The following PGR variants were observed in gnomAD, a reference collection of about 807,000 sequenced individuals.
PGR encodes the protein nuclear receptor subfamily 3 group C member 3.
PGR carries 25 observed loss-of-function variants against 76.1 expected under a neutral mutation model. The ratio of observed to expected loss-of-function variants is 0.33; its 90% CI spans 0.24 to 0.46. The LOEUF is 0.46. Ranked by LOEUF, PGR falls within the 20% of genes least tolerant of loss-of-function variation. The probability of loss-of-function intolerance (pLI) is 1.00; values close to 1 mark genes in which losing one functional copy is unlikely to be tolerated. For missense variants in PGR, 1,172 were observed against 1,225.3 expected (o/e 0.96, Z 0.65); for synonymous variants, 579 against 535.0 (o/e 1.08, Z -1.14).
intron 2 of PGR, among the ~76,000 whole-genome samples, chr11:101,100,004 A>G (rs886428507): frequency 2.6e-5 from 4 of 152,180 alleles, no homozygotes; most frequent in Admixed American, 1.3e-4. Context: ...ATTGGGGCAA[A>G]GAAGAAATCT....
chr11:101,110,635 T>C (rs1394054551), intron 2 of PGR, among the ~76,000 whole-genome samples: 1 of 152,128 alleles, frequency 6.6e-6, no homozygotes, highest in Non-Finnish European at 1.5e-5. Flanking sequence ...ACAAAAGATT[T>C]AGGATTTAGG....
Position 101,062,542 on chromosome 11 carries a change from G to T in PGR, c.2117C>A (p.Thr706Lys). 6.2e-7 allele frequency: 1 copy of T among 1,614,038 alleles called. No individual in the cohort carries two copies. The highest frequency in any genetic ancestry group is 8.5e-7 in the Non-Finnish European group (1 of 1,179,918). The change falls in exon 4 of 8, where the codon ACA (threonine) becomes AAA (lysine). Residue 706 changes from threonine to lysine, a missense_variant. Thr to Lys is a moderately conservative substitution (Grantham distance 78). Coordinates refer to ENST00000325455, the MANE Select transcript of PGR (RefSeq NM_000926.4). Reference protein sequence around the residue: ...PDVIYAGHDNTKPDTSSSLLT... With the variant: ...PDVIYAGHDNKKPDTSSSLLT... Reference sequence around the variant, plus strand: ...CAAAGAACTGGAGGTGTCAGGTTTTGTGTTGTCATGTCCTGCATAGATCAC... The same window carrying T: ...CAAAGAACTGGAGGTGTCAGGTTTTTTGTTGTCATGTCCTGCATAGATCAC...
intron 2 of PGR, among the ~76,000 whole-genome samples, chr11:101,109,391 A>C (rs1448439847): frequency 6.6e-6 from 1 of 152,146 alleles, no homozygotes; most frequent in Non-Finnish European, 1.5e-5. Flanking sequence ...AAAAAGTGCT[A>C]CTCCAGTGAA....
At chr11:101,060,386 C>T (rs518382) in intron 4 of PGR, among the ~76,000 whole-genome samples, 43,027 of 152,042 alleles carry the variant, frequency 0.28, 6,418 homozygotes, top group African/African-American at 0.39. Context: ...CAAAATGCAT[C>T]CACACCATGA....
chr11:101,077,268 G>A lies in PGR; in HGVS notation c.1906+14492C>T, dbSNP rs899838199. On this transcript the variant is annotated intron_variant, in intron 3 of 7. Coordinates refer to ENST00000325455, the MANE Select transcript of PGR (RefSeq NM_000926.4). ...GATTACCAAAATGATAATGACCACTGCGCAGTGCTGGGATCAGTCCACTGG... is the reference window on the plus strand; with the variant it reads ...GATTACCAAAATGATAATGACCACTACGCAGTGCTGGGATCAGTCCACTGG... 8.5e-5 allele frequency among the ~76,000 whole-genome samples: 13 copies of A among 152,118 alleles called. No individual in the cohort carries two copies. In the South Asian group the frequency reaches 2.7e-3, roughly 32 times the overall value.
At position 101,037,727 on chromosome 11, in the gene PGR, A is replaced by G; in HGVS notation, c.*1389T>C. On this transcript the variant is annotated 3_prime_UTR_variant, in exon 8 of 8. Transcript: ENST00000325455. ...TAATGAAGATAATTGATGGAGATAA[A>G]GCATGGGAGAAGAAAGTGATAAAGT... 1 of 226,634 alleles carries G rather than the reference A, an allele frequency of 4.4e-6. No homozygotes were observed. Among genetic ancestry groups the G allele is most frequent in the Non-Finnish European group, 8.8e-6 (1 of 113,806 alleles). 14.0% of individuals were successfully genotyped at this position (226,634 alleles called of 1,614,324 possible).
chr11:101,107,472 A>C (rs1301151144), intron 2 of PGR, among the ~76,000 whole-genome samples: 1 of 152,220 alleles, frequency 6.6e-6, no homozygotes, highest in Non-Finnish European at 1.5e-5. Context: ...TAGTTAGCTA[A>C]ACAGTAAGCA....
chr11:101,045,646 T>G (rs621152), intron 6 of PGR, among the ~76,000 whole-genome samples: 42,345 of 151,472 alleles, frequency 0.28, 6,184 homozygotes, highest in African/African-American at 0.38. Context: ...TCTTTTTGAT[T>G]GCTGAATACT....
intron 2 of PGR, among the ~76,000 whole-genome samples, chr11:101,098,021 C>T (rs1861888674): frequency 6.6e-6 from 1 of 152,076 alleles, no homozygotes; most frequent in South Asian, 2.1e-4. Flanking sequence ...TGTGATCCTC[C>T]TGCCTCGGCC....
At chr11:101,100,036 A>G (rs1861949317) in intron 2 of PGR, among the ~76,000 whole-genome samples, 1 of 152,162 alleles carries the variant, frequency 6.6e-6, no homozygotes, top group Non-Finnish European at 1.5e-5. Context: ...AGGATTTGTA[A>G]ATTTGGCATA....
rs1859556596 is a variant in PGR at position 101,037,717 on chromosome 11, A to C, written c.*1399T>G. The stretch of plus-strand genomic sequence containing the variant: ...AATTTAAAAGTAATGAAGATAATTG[A>C]TGGAGATAAAGCATGGGAGAAGAAA... On this transcript the variant is annotated 3_prime_UTR_variant, in exon 8 of 8. Transcript: ENST00000325455. 1 of 226,754 alleles carries C rather than the reference A, an allele frequency of 4.4e-6. No homozygotes were observed. Among genetic ancestry groups the C allele is most frequent in the East Asian group, 6.3e-5 (1 of 15,778 alleles). 14.0% of individuals were successfully genotyped at this position (226,754 alleles called of 1,614,324 possible). A position where few individuals can be genotyped will look rare whatever the true frequency, so the allele number is the denominator to read the frequency against.
intron 4 of PGR, among the ~76,000 whole-genome samples, chr11:101,052,361 T>C (rs1860124806): frequency 6.6e-6 from 1 of 151,712 alleles, no homozygotes; most frequent in Admixed American, 6.6e-5. Flanking sequence ...TTTCATCCTC[T>C]TTTAGGCTGT....
intron 4 of PGR, among the ~76,000 whole-genome samples, chr11:101,056,797 T>G (rs953917878): frequency 6.6e-6 from 1 of 152,148 alleles, no homozygotes; most frequent in Non-Finnish European, 1.5e-5. Flanking sequence ...GCATTAAATA[T>G]CTCAGCACCT....
intron 3 of PGR, among the ~76,000 whole-genome samples, chr11:101,083,619 G>T (rs489034): frequency 0.13 from 19,638 of 152,248 alleles, 1,316 homozygotes; most frequent in East Asian, 0.19. Flanking sequence ...TGGATGTGAG[G>T]CATGGAGACA....
At chr11:101,103,652 G>T (rs1472202225) in intron 2 of PGR, among the ~76,000 whole-genome samples, 1 of 152,140 alleles carries the variant, frequency 6.6e-6, no homozygotes, top group Non-Finnish European at 1.5e-5. Context: ...TCAGCATTTA[G>T]TACTCAAAGA....
intron 7 of PGR, among the ~76,000 whole-genome samples, chr11:101,039,972 T>C (rs1859642641): frequency 6.6e-6 from 1 of 152,066 alleles, no homozygotes; most frequent in South Asian, 2.1e-4. Flanking sequence ...TACTAGACAC[T>C]CTCTTCCTCA....
At chr11:101,042,177 AG>A in intron 6 of PGR, 75 bp from the exon 7 acceptor site, 1 of 1,469,234 alleles carries the variant, frequency 6.8e-7, no homozygotes, top group Non-Finnish European at 9.4e-7. Flanking sequence ...TATATTTCTG[AG>A]CTATATAATG....
At chr11:101,099,183 A>T (rs1436486919) in intron 2 of PGR, among the ~76,000 whole-genome samples, 1 of 152,268 alleles carries the variant, frequency 6.6e-6, no homozygotes, top group Non-Finnish European at 1.5e-5. Flanking sequence ...CACCTACAGC[A>T]TAATGTGTAA....
At chr11:101,051,907 C>A (rs763804569) in intron 4 of PGR, among the ~76,000 whole-genome samples, 1 of 152,076 alleles carries the variant, frequency 6.6e-6, no homozygotes, top group Non-Finnish European at 1.5e-5. Flanking sequence ...AAGAGTCAAT[C>A]CTAGCCTCAA....
Sources: gnomAD v4.1 joint callset for allele counts (sites outside exome capture counted in the v4.1 genomes callset) on GRCh38, gnomAD v4.1.1 for gene constraint, MANE v1.5 for transcripts, NCBI Gene and HGNC (gene_info 2026-07-23, HGNC 2026-07-21) for gene names.